PER2: variants seen among roughly 807,000 people sequenced by gnomAD.
PER2 encodes the protein period circadian protein homolog 2.
Under a neutral mutation model 121.0 loss-of-function variants are expected in PER2, and 66 were observed. The ratio of observed to expected loss-of-function variants is 0.55; its 90% CI spans 0.45 to 0.67. The LOEUF is 0.67. PER2 is among the 30% of genes least tolerant of loss of function. The pLI, the probability that PER2 is intolerant of heterozygous loss-of-function variation, is 0.00. For synonymous variants in PER2, 684 were observed against 659.9 expected (o/e 1.04, Z -0.56); for missense variants, 1,521 against 1,635.0 (o/e 0.93, Z 1.20).
intron 4 of PER2, among the ~76,000 whole-genome samples, chr2:238,274,188 T>C (rs1696381279): frequency 1.3e-5 from 2 of 152,218 alleles, no homozygotes; most frequent in South Asian, 4.1e-4. Flanking sequence ...TCATCCTGGG[T>C]GTATCCGGCG....
chr2:238,268,712 G>A lies in PER2; in HGVS notation c.824+211C>T, dbSNP rs926867023. On this transcript the variant is annotated intron_variant, in intron 7 of 22. Coordinates refer to ENST00000254657, the MANE Select transcript of PER2 (RefSeq NM_022817.3). The surrounding 1 kb of genome is among the most constrained non-coding windows in gnomAD (Gnocchi z 4.0). ...ACAGAGAGAAAGTGCAGGTCCATGA[G>A]GGGCAGGTTAAAGCACTCCACTGCT... Among the ~76,000 whole-genome samples, 7 of 152,224 alleles carry A rather than the reference G, an allele frequency of 4.6e-5. No individual in the cohort carries two copies. Among genetic ancestry groups the A allele is most frequent in the African/African-American group, 1.7e-4 (7 of 41,466 alleles).
intron 5 of PER2, among the ~76,000 whole-genome samples, chr2:238,272,785 C>G (rs1160263316): frequency 1.3e-5 from 2 of 152,234 alleles, no homozygotes; most frequent in Non-Finnish European, 2.9e-5. Context: ...CATGAAAACC[C>G]AGAGCCCCCC....
At chr2:238,251,826 G>T in intron 19 of PER2, 65 bp from the exon 20 acceptor site, 1 of 1,020,870 alleles carries the variant, frequency 9.8e-7, no homozygotes, top group Non-Finnish European at 1.5e-6. Context: ...TATGCAGCGG[G>T]GTGGGGGTGG....
the PER2 span, chr2:238,295,288 C>CTT: frequency 7.3e-6 from 1 of 137,078 alleles, no homozygotes; most frequent in African/African-American, 2.6e-5. Context: ...CCTTCTTCTT[C>CTT]TTCTTTCTCC....
Position 238,268,954 on chromosome 2 carries a change from T to C in PER2, c.793A>G (p.Met265Val). The C allele has an allele frequency of 6.2e-7, 1 of 1,612,840 alleles. No individual in the cohort carries two copies. The highest frequency in any genetic ancestry group is 1.1e-5 in the South Asian group (1 of 91,066). ...SGADSFTQEC[M>V]EEKSFFCRVS... The stretch of plus-strand genomic sequence containing the variant: ...CGGCAAAAGAAAGATTTCTCCTCCA[T>C]GCATTCTTGAGTAAAAGAATCTAAA... Residue 265 changes from methionine (M) to valine (V), a missense_variant, in exon 7 of 23, where the codon ATG becomes GTG. Coordinates refer to ENST00000254657, the MANE Select transcript of PER2 (RefSeq NM_022817.3). This position sits in a 1 kb window ranked among gnomAD's most constrained non-coding sequence, Gnocchi z 4.0.
upstream of PER2, among the ~76,000 whole-genome samples, chr2:238,292,776 C>T (rs1202579665): frequency 2.0e-5 from 3 of 148,082 alleles, no homozygotes; most frequent in Admixed American, 6.8e-5. Context: ...CTCACTCTTT[C>T]GCCCAGACTG....
intron 14 of PER2, among the ~76,000 whole-genome samples, chr2:238,258,845 G>GT (rs1695841619): frequency 1.3e-5 from 2 of 152,016 alleles, no homozygotes; most frequent in African/African-American, 4.8e-5. Flanking sequence ...AGAGACCTGG[G>GT]GGGGGAGCTG....
chr2:238,299,277 C>CATCTGTA, the PER2 span: 3 of 151,664 alleles, frequency 2.0e-5, no homozygotes, highest in African/African-American at 7.3e-5. Context: ...CAGTGGCTCA[C>CATCTGTA]ATCTGTAATC....
upstream of PER2, chr2:238,289,593 A>C (rs1006076295): frequency 6.6e-6 from 1 of 152,274 alleles, no homozygotes; most frequent in African/African-American, 2.4e-5. Flanking sequence ...AGGAAACTTA[A>C]TCAAATGCTA....
intron 6 of PER2, among the ~76,000 whole-genome samples, chr2:238,270,676 G>C (rs1696257019): frequency 6.6e-6 from 1 of 152,230 alleles, no homozygotes. Context: ...GCTGGCTCCA[G>C]GGACTAGACC....
chr2:238,246,605 G>C, intron 22 of PER2, 81 bp from the exon 23 acceptor site: 1 of 965,304 alleles, frequency 1.0e-6, no homozygotes, highest in Non-Finnish European at 1.6e-6. Context: ...GGCCGGGCGC[G>C]GTGGCTCACG....
chr2:238,254,828 G>C (rs1428121641), intron 18 of PER2: 1 of 152,250 alleles, frequency 6.6e-6, no homozygotes, highest in East Asian at 1.9e-4. Context: ...GGAGAGAAAG[G>C]AAAGAGTGGA....
chr2:238,274,646 T>C (rs1559334042), intron 4 of PER2, among the ~76,000 whole-genome samples: 1 of 152,192 alleles, frequency 6.6e-6, no homozygotes, highest in Non-Finnish European at 1.5e-5. Context: ...GAACTTTCCC[T>C]TTGGCTCCTC....
chr2:238,279,837 C>T (rs1417196670), intron 1 of PER2, among the ~76,000 whole-genome samples: 2 of 152,120 alleles, frequency 1.3e-5, no homozygotes, highest in African/African-American at 2.4e-5. Flanking sequence ...AAGGTGCGTC[C>T]GGCTGCTTGT....
Position 238,265,256 on chromosome 2 carries a change from T to A in PER2, c.1046+256A>T, listed in dbSNP as rs1296435252. On this transcript the variant is annotated intron_variant, in intron 9 of 22. Transcript: ENST00000254657. ...AACAGCGCCTCTGTCTGGACCATTA[T>A]CCACTCCGAATGGGTTTATATGGGA... 2.0e-5 allele frequency among the ~76,000 whole-genome samples: 3 copies of A among 152,192 alleles called. No individual in the cohort carries two copies. In the East Asian group the frequency reaches 5.8e-4, roughly 29 times the overall value.
chr2:238,263,981 G>A (rs549570126), intron 9 of PER2, among the ~76,000 whole-genome samples: 1 of 151,608 alleles, frequency 6.6e-6, no homozygotes, highest in African/African-American at 2.4e-5. Context: ...AGGAAAAAGA[G>A]GGGGAGGAGG....
chr2:238,283,200 C>T (rs980475899), intron 1 of PER2, among the ~76,000 whole-genome samples: 2 of 152,252 alleles, frequency 1.3e-5, no homozygotes, highest in African/African-American at 4.8e-5. Context: ...ATGGACCTTT[C>T]TGAAGTTGTC....
rs552767611 is a variant in PER2 at position 238,257,097 on chromosome 2, G to A, written c.1901-11C>T. 1.2e-5 allele frequency: 19 copies of A among 1,609,524 alleles called. No individual in the cohort carries two copies. The South Asian group carries it at 1.8e-4, about 15-fold the overall frequency. ...AGGGCGGCTCTGCCTCTTCATGAGA[G>A]GAAGGGGGAACAAACATTAGTGTGT... On this transcript the variant is annotated splice_polypyrimidine_tract_variant and intron_variant, in intron 16 of 22. Coordinates refer to ENST00000254657, the MANE Select transcript of PER2 (RefSeq NM_022817.3).
At chr2:238,263,563 T>C (rs1696000673) in intron 9 of PER2, among the ~76,000 whole-genome samples, 1 of 152,168 alleles carries the variant, frequency 6.6e-6, no homozygotes, top group South Asian at 2.1e-4. Flanking sequence ...CTCTGCCCTT[T>C]GAGCTCATGC....
Sources: allele counts gnomAD v4.1 joint callset (sites outside exome capture counted in the v4.1 genomes callset), GRCh38; gene constraint gnomAD v4.1.1; non-coding constraint Gnocchi (gnomAD v3.1); transcripts MANE v1.5; gene names NCBI Gene and HGNC (gene_info 2026-07-23, HGNC 2026-07-21).